Variants in ENTREP2 observed in about 807,000 individuals in gnomAD.
ENTREP2 encodes protein ENTREP2.
chr15:29,402,265 T>TATATATATACATATATATATAC, the ENTREP2 span, among the ~76,000 whole-genome samples: 1 of 137,854 alleles, frequency 7.3e-6, no homozygotes, highest in South Asian at 2.4e-4. Flanking sequence ...TATATATATA[T>TATATATATACATATATATATAC]ACACACACAT....
chr15:29,150,108 G>A, the ENTREP2 span, among the ~76,000 whole-genome samples: 1 of 152,202 alleles, frequency 6.6e-6, no homozygotes, highest in Non-Finnish European at 1.5e-5. Context: ...CACATCACAC[G>A]TATTAGGGAT....
the ENTREP2 span, among the ~76,000 whole-genome samples, chr15:29,263,662 A>G: frequency 6.6e-6 from 1 of 152,260 alleles, no homozygotes; most frequent in Non-Finnish European, 1.5e-5. Context: ...GTATCAGTGT[A>G]ATCTCATAGT....
chr15:29,631,856 A>G, the ENTREP2 span, among the ~76,000 whole-genome samples: 1 of 152,126 alleles, frequency 6.6e-6, no homozygotes, highest in Non-Finnish European at 1.5e-5. Flanking sequence ...TGGGAGTGGG[A>G]GTCCACACCC....
chr15:29,207,404 A>G, the ENTREP2 span, among the ~76,000 whole-genome samples: 1 of 136,958 alleles, frequency 7.3e-6, no homozygotes, highest in Non-Finnish European at 1.5e-5. Context: ...GAAGAGCAAG[A>G]GAACAGATCT....
At chr15:29,559,086 G>T in the ENTREP2 span, among the ~76,000 whole-genome samples, 147 of 152,176 alleles carry the variant, frequency 9.7e-4, no homozygotes, top group Non-Finnish European at 1.8e-3. Context: ...ACAAAATGAG[G>T]ACAAGACGTA....
the ENTREP2 span, among the ~76,000 whole-genome samples, chr15:29,516,607 T>G: frequency 6.7e-6 from 1 of 150,358 alleles, no homozygotes. Flanking sequence ...AAGGAGGGGA[T>G]GGGGGGGTGC....
the ENTREP2 span, among the ~76,000 whole-genome samples, chr15:29,525,909 G>A: frequency 6.6e-6 from 1 of 152,042 alleles, no homozygotes; most frequent in Non-Finnish European, 1.5e-5. Context: ...ACAGAAATAA[G>A]GCCCTCCTTT....
chr15:29,576,456 GA>G, the ENTREP2 span, among the ~76,000 whole-genome samples: 1 of 152,100 alleles, frequency 6.6e-6, no homozygotes, highest in Non-Finnish European at 1.5e-5. Flanking sequence ...AGCAATGAAA[GA>G]AAAAATAAAC....
At chr15:29,176,285 G>A in the ENTREP2 span, among the ~76,000 whole-genome samples, 1 of 152,130 alleles carries the variant, frequency 6.6e-6, no homozygotes, top group Non-Finnish European at 1.5e-5. Flanking sequence ...ATGAGTGGTG[G>A]GGGGGCACAT....
chr15:29,214,825 T>G, the ENTREP2 span, among the ~76,000 whole-genome samples: 3 of 152,234 alleles, frequency 2.0e-5, no homozygotes, highest in African/African-American at 7.2e-5. Flanking sequence ...AATTTTAATT[T>G]TCTTAAATTT....
At chr15:29,300,397 AAATG>A in the ENTREP2 span, among the ~76,000 whole-genome samples, 2 of 98,382 alleles carry the variant, frequency 2.0e-5, no homozygotes, top group East Asian at 6.4e-4. Flanking sequence ...ATAGATGGAT[AAATG>A]GATGGATGGA....
chr15:29,137,272 G>A, the ENTREP2 span: 169 of 1,271,492 alleles, frequency 1.3e-4, 1 homozygote, highest in African/African-American at 2.4e-3. Context: ...TTATACGAGA[G>A]CTTTAATGAT....
At chr15:29,654,564 A>G in the ENTREP2 span, among the ~76,000 whole-genome samples, 1 of 152,170 alleles carries the variant, frequency 6.6e-6, no homozygotes, top group Non-Finnish European at 1.5e-5. Flanking sequence ...CATGTTTTAC[A>G]CCCATCCTAC....
the ENTREP2 span, among the ~76,000 whole-genome samples, chr15:29,361,655 A>G: frequency 4.6e-5 from 7 of 152,148 alleles, no homozygotes. Context: ...TTACTGCGGC[A>G]CAACAGGCTC....
At chr15:29,570,496 G>C in the ENTREP2 span, 1 of 1,331,744 alleles carries the variant, frequency 7.5e-7, no homozygotes, top group Non-Finnish European at 9.6e-7. Context: ...CCTGGTCGCG[G>C]ACACTCACCG....
chr15:29,249,579 A>G, the ENTREP2 span, among the ~76,000 whole-genome samples: 2 of 152,116 alleles, frequency 1.3e-5, no homozygotes, highest in African/African-American at 2.4e-5. Flanking sequence ...TTGAATTTCT[A>G]TAGTAAATGT....
At chr15:29,183,147 T>C in the ENTREP2 span, among the ~76,000 whole-genome samples, 2 of 152,224 alleles carry the variant, frequency 1.3e-5, 1 homozygote, top group Admixed American at 1.3e-4. Context: ...CTATCACAAA[T>C]GATGCCCAAA....
chr15:29,542,096 C>T, the ENTREP2 span, among the ~76,000 whole-genome samples: 1 of 152,146 alleles, frequency 6.6e-6, no homozygotes, highest in Non-Finnish European at 1.5e-5. Flanking sequence ...GCAACCTCTG[C>T]CTCCCAGGTT....
At chr15:29,579,770 G>A in the ENTREP2 span, among the ~76,000 whole-genome samples, 1 of 139,594 alleles carries the variant, frequency 7.2e-6, no homozygotes, top group African/African-American at 2.7e-5. Flanking sequence ...GAGTGCAGTG[G>A]CGCGATCTCG....
Sources: allele counts gnomAD v4.1 joint callset (sites outside exome capture counted in the v4.1 genomes callset), GRCh38; gene constraint gnomAD v4.1.1; transcripts MANE v1.5; gene names NCBI Gene and HGNC (gene_info 2026-07-23, HGNC 2026-07-21).